Variants in XCR1 observed in about 807,000 individuals in gnomAD.
The protein encoded by XCR1 is X-C motif chemokine receptor 1, also known as chemokine XC receptor 1.
For synonymous variants in XCR1, 187 were observed against 188.5 expected, an observed-to-expected ratio of 0.99 and a Z score of 0.06; for missense variants, 356 against 424.2, an observed-to-expected ratio of 0.84 and a Z score of 1.41.
chr3:46,040,188 G>A (rs1396960537), intron 5 of XCR1, among the ~76,000 whole-genome samples: 2 of 152,036 alleles, frequency 1.3e-5, no homozygotes, highest in Non-Finnish European at 2.9e-5. Flanking sequence ...TTTTTATTAG[G>A]TCTTACTGTA....
At position 46,026,586 on chromosome 3, in the gene XCR1, C is replaced by CT. The variant is rs113662841; in HGVS notation, c.-32+830dup. ...TCCCAGATCCATTTTTCTTCTTCTT[C>CT]TTTTTTTTTTTTTTGAGATGGAGTC... On this transcript the variant is annotated intron_variant, in intron 1 of 1. Coordinates refer to ENST00000309285, the MANE Select transcript of XCR1 (RefSeq NM_001024644.2). Among the ~76,000 whole-genome samples, 659 of 142,840 alleles carry CT rather than the reference C, an allele frequency of 4.6e-3. 6 individuals carry two copies. The highest frequency in any genetic ancestry group is 5.4e-3 in the Admixed American group (77 of 14,242). 93.7% of individuals were successfully genotyped at this position (142,840 alleles called of 152,430 possible).
chr3:46,049,401 T>A (rs1697697418), intron 5 of XCR1, among the ~76,000 whole-genome samples: 1 of 152,178 alleles, frequency 6.6e-6, no homozygotes, highest in African/African-American at 2.4e-5. Flanking sequence ...TGCTTTCTCA[T>A]TACCTAGAGA....
chr3:46,026,062 A>G (rs552482806), intron 1 of XCR1, among the ~76,000 whole-genome samples: 2 of 152,296 alleles, frequency 1.3e-5, no homozygotes, highest in South Asian at 4.1e-4. Context: ...AGAATAAAGA[A>G]AAAAACTATA....
intron 1 of XCR1, among the ~76,000 whole-genome samples, chr3:46,084,603 C>T (rs1053269404): frequency 6.6e-6 from 1 of 152,192 alleles, no homozygotes; most frequent in Non-Finnish European, 1.5e-5. Context: ...AACTTTTTAT[C>T]AGCTCACTCC....
In XCR1 at chr3:46,058,533, C is replaced by T. The variant is rs140996018; in HGVS notation, c.-182-4463G>A. Among the ~76,000 whole-genome samples the T allele has an allele frequency of 3.1e-3, 468 of 151,034 alleles. 1 individual carries two copies. The highest frequency in any genetic ancestry group is 0.011 in the African/African-American group (443 of 40,326). On this transcript the variant is annotated intron_variant, in intron 4 of 5. Coordinates refer to the XCR1 transcript ENST00000683768. ...ATTACAATGCAAATTGAATTCACAA[C>T]GTTGCAGGGCATCTTCTGATTTTAT...
chr3:46,070,540 C>A (rs1052113877), intron 3 of XCR1, among the ~76,000 whole-genome samples: 3 of 151,594 alleles, frequency 2.0e-5, no homozygotes, highest in South Asian at 2.1e-4. Context: ...TATATAATGA[C>A]CCTTGGGTTT....
intron 3 of XCR1, among the ~76,000 whole-genome samples, chr3:46,070,845 T>G (rs893531957): frequency 6.6e-6 from 1 of 152,188 alleles, no homozygotes; most frequent in African/African-American, 2.4e-5. Context: ...AATTCTTGGC[T>G]TTTTCTTCCT....
In XCR1 at chr3:46,017,189, A is replaced by T. The variant is rs1708057753; in HGVS notation, c.*3757T>A. The T allele has an allele frequency of 6.6e-6, 1 of 152,214 alleles. No homozygotes were observed. The highest frequency in any genetic ancestry group is 2.4e-5 in the African/African-American group (1 of 41,448). 9.4% of individuals were successfully genotyped at this position (152,214 alleles called of 1,614,324 possible). On this transcript the variant is annotated 3_prime_UTR_variant, in exon 2 of 2. Transcript: ENST00000309285. ...TTCTCTACAGTTTATAGGTGAGGAAACTGAGCCTTGAGAGGCCCAAGGTCA... is the reference window on the plus strand; with the variant it reads ...TTCTCTACAGTTTATAGGTGAGGAATCTGAGCCTTGAGAGGCCCAAGGTCA...
intron 5 of XCR1, among the ~76,000 whole-genome samples, chr3:46,052,859 G>A (rs1004670391): frequency 2.0e-5 from 3 of 152,138 alleles, no homozygotes; most frequent in African/African-American, 7.2e-5. Flanking sequence ...GGTTTCTTGC[G>A]ACCCTTGCGT....
In XCR1 at chr3:46,049,112, G is replaced by A. The variant is rs552125990; in HGVS notation, c.-32+4808C>T. 4.5e-4 allele frequency among the ~76,000 whole-genome samples: 68 copies of A among 152,280 alleles called. No homozygotes were observed. The East Asian group carries it at 5.2e-3, about 12-fold the overall frequency. On this transcript the variant is annotated intron_variant, in intron 5 of 5. Coordinates refer to the XCR1 transcript ENST00000683768. ...ACCTGTTTGGCACATAACATGCAGC[G>A]TATGAAAATAAGTGTCTATAGTCAC...
At chr3:46,034,214 C>A (rs910053649) in intron 5 of XCR1, among the ~76,000 whole-genome samples, 3 of 152,138 alleles carry the variant, frequency 2.0e-5, no homozygotes, top group African/African-American at 7.2e-5. Flanking sequence ...TCAGGTGATC[C>A]ACCCTACTTG....
At chr3:46,071,942 T>C (rs1698171798) in intron 3 of XCR1, among the ~76,000 whole-genome samples, 1 of 152,164 alleles carries the variant, frequency 6.6e-6, no homozygotes, top group South Asian at 2.1e-4. Flanking sequence ...TTTAACATAA[T>C]ACTGGAAGTC....
rs150015425 is a variant in XCR1, at chr3:46,046,976, G to A, written c.-32+6944C>T. On this transcript the variant is annotated intron_variant, in intron 5 of 5. Transcript: ENST00000683768. ...AAGTTGGTTACACAAATATGAGTGT[G>A]ATTAAAATGACAACGCAATTGCTGC... 1.1e-4 allele frequency among the ~76,000 whole-genome samples: 17 copies of A among 152,322 alleles called. No homozygotes were observed. The East Asian group carries it at 3.3e-3, about 29-fold the overall frequency.
At chr3:46,022,955 G>A (rs1708187552) in intron 1 of XCR1, among the ~76,000 whole-genome samples, 1 of 152,122 alleles carries the variant, frequency 6.6e-6, no homozygotes, top group Non-Finnish European at 1.5e-5. Flanking sequence ...GGAAATAAAG[G>A]AAACTATATT....
chr3:46,055,817 C>G lies in XCR1; in HGVS notation c.-182-1747G>C, dbSNP rs112644254. Among the ~76,000 whole-genome samples, 682 of 152,302 alleles carry G rather than the reference C, an allele frequency of 4.5e-3. 5 individuals are homozygous for G. The highest frequency in any genetic ancestry group is 0.015 in the African/African-American group (612 of 41,570). Reference sequence around the variant, plus strand: ...AAACATGGAGTTAAGGGAGCCACCACCACTCTGCCAAGCATCAACTTAATC... The same window carrying G: ...AAACATGGAGTTAAGGGAGCCACCAGCACTCTGCCAAGCATCAACTTAATC... On this transcript the variant is annotated intron_variant, in intron 4 of 5. Transcript: ENST00000683768.
intron 5 of XCR1, among the ~76,000 whole-genome samples, chr3:46,043,719 C>T (rs1360034463): frequency 2.1e-5 from 1 of 46,764 alleles, no homozygotes; most frequent in Non-Finnish European, 3.8e-5. Context: ...CTCATCTCTA[C>T]ACACACACAC....
At chr3:46,081,381 A>G (rs1306897244) in intron 1 of XCR1, among the ~76,000 whole-genome samples, 1 of 152,202 alleles carries the variant, frequency 6.6e-6, no homozygotes, top group East Asian at 1.9e-4. Context: ...TAATAACAGG[A>G]AGGCCCACGT....
chr3:46,021,523 G>A lies in XCR1; in HGVS notation c.425C>T (p.Thr142Ile). 6.2e-7 allele frequency: 1 copy of A among 1,612,066 alleles called. No homozygotes were observed. The highest frequency in any genetic ancestry group is 8.5e-7 in the Non-Finnish European group (1 of 1,178,952). The change falls in exon 2 of 2, where the codon ACC becomes ATC. Residue 142 changes from threonine to isoleucine, a missense_variant. Transcript: ENST00000309285. This position sits in a 1 kb window ranked among gnomAD's most constrained non-coding sequence, Gnocchi z 4.7. ...GGTCACCAGCACCCGGCAGCGGAGG[G>A]TGGGGACGCGCAGGGTGGAGAGGGG... is the stretch of plus-strand genomic sequence containing the variant. ...VSPLSTLRVPTLRCRVLVTMA... is the reference protein window; with the variant it reads ...VSPLSTLRVPILRCRVLVTMA...
At chr3:46,028,955 T>C (rs115805859), upstream of XCR1, among the ~76,000 whole-genome samples, 1,172 of 152,276 alleles carry the variant, frequency 7.7e-3, 7 homozygotes, top group Non-Finnish European at 0.012. Flanking sequence ...GATTTTGCTG[T>C]TGTAGTTAAG....
Sources: gnomAD v4.1 joint callset for allele counts (sites outside exome capture counted in the v4.1 genomes callset) on GRCh38, gnomAD v4.1.1 for gene constraint, Gnocchi (gnomAD v3.1) non-coding constraint, MANE v1.5 for transcripts, NCBI Gene and HGNC (gene_info 2026-07-23, HGNC 2026-07-21) for gene names.